AK5: variants seen among roughly 807,000 people sequenced by gnomAD.
The protein encoded by AK5 is adenylate kinase 5.
Under a neutral mutation model 69.5 loss-of-function variants are expected in AK5, and 27 were observed. The observed-to-expected ratio is 0.39, with a 90% confidence interval of 0.29 to 0.54. The LOEUF (loss-of-function observed/expected upper bound fraction) is 0.54. Among genes scored for constraint, AK5 ranks in the 20% least tolerant of loss-of-function variants. The probability of loss-of-function intolerance (pLI) is 0.71; values close to 1 mark genes in which losing one functional copy is unlikely to be tolerated. For missense variants in AK5, 531 were observed against 700.4 expected (o/e 0.76, Z 2.73); for synonymous variants, 260 against 244.4 (o/e 1.06, Z -0.60).
At chr1:77,284,215 G>A (rs548532948) in intron 1 of AK5, among the ~76,000 whole-genome samples, 1 of 152,178 alleles carries the variant, frequency 6.6e-6, no homozygotes, top group Admixed American at 6.5e-5. Context: ...TCAGTAAGAC[G>A]AATCTGTGCT....
At chr1:77,285,430 G>A (rs1208311770) in intron 1 of AK5, among the ~76,000 whole-genome samples, 1 of 152,176 alleles carries the variant, frequency 6.6e-6, no homozygotes, top group Non-Finnish European at 1.5e-5. Context: ...GAAAACAAAT[G>A]TACCTAGTGA....
chr1:77,526,614 T>A (rs941379299), intron 12 of AK5, among the ~76,000 whole-genome samples: 3 of 151,596 alleles, frequency 2.0e-5, no homozygotes, highest in Admixed American at 1.3e-4. Flanking sequence ...TAGCTGGGAC[T>A]ACAGGCGCCC....
At chr1:77,521,769 G>T (rs973298396) in intron 11 of AK5, 58 bp from the exon 12 acceptor site, 2 of 1,300,612 alleles carry the variant, frequency 1.5e-6, no homozygotes, top group African/African-American at 2.9e-5. Flanking sequence ...GGAGACTTGG[G>T]GTACTTCTAG....
chr1:77,543,064 T>C (rs1659361600), intron 13 of AK5, among the ~76,000 whole-genome samples: 2 of 152,238 alleles, frequency 1.3e-5, no homozygotes. Flanking sequence ...TGTAAATAGT[T>C]TGACCGTTTC....
intron 11 of AK5, among the ~76,000 whole-genome samples, chr1:77,520,061 G>T (rs1657894463): frequency 6.6e-6 from 1 of 151,990 alleles, no homozygotes; most frequent in Admixed American, 6.6e-5. Flanking sequence ...AAATTAGCTG[G>T]GCATGGTGGC....
Position 77,558,896 on chromosome 1 carries a change from A to C in AK5, c.*226A>C. 1 of 498,290 alleles carries C rather than the reference A, an allele frequency of 2.0e-6. No individual in the cohort carries two copies. The allele number at this position is 498,290 out of a possible 1,614,324, so 30.9% of individuals were successfully genotyped here. A position where few individuals can be genotyped will look rare whatever the true frequency, so the allele number is the denominator to read the frequency against. ...TCAACCTATTCTCCACACTTCAGAC[A>C]ACTGTCTGCACTCACGGCACACACA... is the stretch of plus-strand genomic sequence containing the variant. On this transcript the variant is annotated 3_prime_UTR_variant, in exon 14 of 14. Coordinates refer to ENST00000354567, the MANE Select transcript of AK5 (RefSeq NM_174858.3).
chr1:77,435,644 C>CAAAAAAAAAAAAAAAAA (rs1202203579), intron 8 of AK5, among the ~76,000 whole-genome samples: 20 of 66,082 alleles, frequency 3.0e-4, no homozygotes, highest in African/African-American at 1.1e-3. Flanking sequence ...GACTCTGTCT[C>CAAAAAAAAAAAAAAAAA]AAAAAAAAAA....
chr1:77,369,775 T>C (rs187407213), intron 6 of AK5, among the ~76,000 whole-genome samples: 31 of 152,344 alleles, frequency 2.0e-4, no homozygotes, highest in African/African-American at 7.5e-4. Context: ...CATTGCTTTC[T>C]AAAGGTAGGA....
At chr1:77,380,930 A>G (rs7520851) in intron 6 of AK5, among the ~76,000 whole-genome samples, 31,588 of 152,198 alleles carry the variant, frequency 0.21, 3,490 homozygotes, top group East Asian at 0.41. Context: ...TGGAGTTTAG[A>G]GTGAGGTAGG....
Position 77,535,891 on chromosome 1 carries a change from C to T in AK5, c.1473C>T (p.Asp491=). ...TGATCTGTATGGACTGCTCGGCAGA[C>T]ACCATGACCAACCGCCTTCTCCAAA... is the stretch of plus-strand genomic sequence containing the variant. ...QLVICMDCSA[D]TMTNRLLQRS... Residue 491 remains aspartate, a synonymous_variant, in exon 13 of 14, where the codon GAC becomes GAT. Transcript: ENST00000354567. 1 of 1,614,034 alleles carries T rather than the reference C, an allele frequency of 6.2e-7. No individual in the cohort carries two copies. Among genetic ancestry groups the T allele is most frequent in the Non-Finnish European group, 8.5e-7 (1 of 1,179,994 alleles).
intron 8 of AK5, among the ~76,000 whole-genome samples, chr1:77,428,732 T>C (rs1651384347): frequency 6.6e-6 from 1 of 152,190 alleles, no homozygotes; most frequent in South Asian, 2.1e-4. Flanking sequence ...TAGGTATATC[T>C]CCAAATGCTA....
intron 11 of AK5, among the ~76,000 whole-genome samples, chr1:77,521,166 G>C (rs2647493): frequency 6.7e-6 from 1 of 150,090 alleles, no homozygotes; most frequent in Non-Finnish European, 1.5e-5. Flanking sequence ...ACACAGTCTC[G>C]CTCGTCACCC....
intron 6 of AK5, among the ~76,000 whole-genome samples, chr1:77,404,273 C>G (rs1570511835): frequency 6.6e-6 from 1 of 152,112 alleles, no homozygotes; most frequent in African/African-American, 2.4e-5. Flanking sequence ...GGATGGCTGT[C>G]CTGGGTACTG....
At chr1:77,556,195 G>T (rs917371172) in intron 13 of AK5, among the ~76,000 whole-genome samples, 11 of 152,180 alleles carry the variant, frequency 7.2e-5, no homozygotes, top group African/African-American at 2.7e-4. Flanking sequence ...TGCAGGAAAA[G>T]AAATAGAAGA....
At chr1:77,313,632 G>A (rs946936352) in intron 5 of AK5, among the ~76,000 whole-genome samples, 3 of 151,970 alleles carry the variant, frequency 2.0e-5, no homozygotes, top group South Asian at 2.1e-4. Context: ...CTTATAAGGC[G>A]ATGGAGTCCA....
At chr1:77,461,246 G>T (rs956645252) in intron 8 of AK5, among the ~76,000 whole-genome samples, 8 of 149,224 alleles carry the variant, frequency 5.4e-5, no homozygotes, top group Non-Finnish European at 8.9e-5. Flanking sequence ...TGTTAGCCAG[G>T]ATGATCTCAA....
At chr1:77,518,808 C>G (rs1657817361) in intron 11 of AK5, 81 bp downstream of exon 11, 1 of 1,399,958 alleles carries the variant, frequency 7.1e-7, no homozygotes, top group East Asian at 2.3e-5. Context: ...ATCTGAGCTG[C>G]TGGAACTAAG....
At chr1:77,292,127 T>G (rs59621284) in intron 2 of AK5, among the ~76,000 whole-genome samples, 2,214 of 152,258 alleles carry the variant, frequency 0.015, 54 homozygotes, top group African/African-American at 0.05. Context: ...CATATGCATT[T>G]GGTATATGTT....
chr1:77,317,123 A>G (rs1660284437), intron 5 of AK5, among the ~76,000 whole-genome samples: 1 of 152,170 alleles, frequency 6.6e-6, no homozygotes, highest in South Asian at 2.1e-4. Flanking sequence ...AGTAATCTCA[A>G]AGTCTTCTCA....
Sources: allele counts gnomAD v4.1 joint callset (sites outside exome capture counted in the v4.1 genomes callset), GRCh38; gene constraint gnomAD v4.1.1; transcripts MANE v1.5; gene names NCBI Gene and HGNC (gene_info 2026-07-23, HGNC 2026-07-21).